The following PRKDC variants were observed in gnomAD, a reference collection of about 807,000 sequenced individuals.
PRKDC encodes protein kinase, DNA-activated, catalytic subunit.
PRKDC carries 82 observed loss-of-function variants against 486.9 expected under a neutral mutation model. The ratio of observed to expected loss-of-function variants is 0.17; its 90% confidence interval spans 0.14 to 0.20. The LOEUF is 0.20. Among genes scored for constraint, PRKDC ranks in the 10% least tolerant of loss-of-function variants. The probability of loss-of-function intolerance (pLI) is 1.00; values close to 1 mark genes in which losing one functional copy is unlikely to be tolerated. For missense variants in PRKDC, 4,504 were observed against 5,038.2 expected, an observed-to-expected ratio of 0.89 and a Z score of 3.21; for synonymous variants, 1,895 against 1,837.0, an observed-to-expected ratio of 1.03 and a Z score of -0.81.
chr8:47,927,416 A>G, intron 20 of PRKDC, 63 bp from the exon 21 acceptor site: 1 of 1,504,990 alleles, frequency 6.6e-7, no homozygotes, highest in Non-Finnish European at 9.0e-7. Context: ...GAGGAAAAAA[A>G]CACCAAGTAA....
intron 17 of PRKDC, 33 bp downstream of exon 17, chr8:47,930,639 T>G: frequency 6.6e-7 from 1 of 1,514,734 alleles, no homozygotes; most frequent in Non-Finnish European, 8.9e-7. Flanking sequence ...ACAATCATTT[T>G]CATTCTTAAA....
At chr8:47,839,107 A>G (rs1416342620) in intron 56 of PRKDC, 41 bp downstream of exon 56, 2 of 1,463,694 alleles carry the variant, frequency 1.4e-6, no homozygotes, top group African/African-American at 2.8e-5. Context: ...TGAAAGCAAT[A>G]CCCTTAACAT....
chr8:47,790,578 C>A (rs2086866355), intron 74 of PRKDC, among the ~76,000 whole-genome samples: 1 of 152,060 alleles, frequency 6.6e-6, no homozygotes, highest in Admixed American at 6.6e-5. Flanking sequence ...TGTATGGAAC[C>A]ACAAAAGACC....
In PRKDC at chr8:47,782,554, G is replaced by C. The variant is rs2086715684; in HGVS notation, c.11220C>G (p.Ile3740Met). ...GGTGTTCCCTCTCGTCATGGCCACGGATGATGATGCGCTTGGGCCTTCGCA... is the reference window on the plus strand; with the variant it reads ...GGTGTTCCCTCTCGTCATGGCCACGCATGATGATGCGCTTGGGCCTTCGCA... The part of the protein sequence containing the change: ...ASLRRPKRII[I>M]RGHDEREHPF... Residue 3740 changes from isoleucine to methionine, a missense_variant, in exon 79 of 86, where the codon ATC becomes ATG. Physicochemically the swap from Ile to Met is conservative, Grantham distance 10. This residue lies in a region of PRKDC where 706 missense variants were observed against 945.0 expected (regional missense o/e 0.75). Coordinates refer to ENST00000314191, the MANE Select transcript of PRKDC (RefSeq NM_006904.7). This position sits in a 1 kb window ranked among gnomAD's most constrained non-coding sequence, Gnocchi z 4.9. 6.4e-7 allele frequency: 1 copy of C among 1,572,216 alleles called. No individual in the cohort carries two copies. The highest frequency in any genetic ancestry group is 1.2e-5 in the South Asian group (1 of 85,470).
intron 70 of PRKDC, among the ~76,000 whole-genome samples, chr8:47,802,185 TC>T (rs1169655142): frequency 5.3e-5 from 8 of 152,058 alleles, no homozygotes; most frequent in Non-Finnish European, 8.8e-5. Context: ...CAAGCCATCC[TC>T]CCGCCTCAGA....
chr8:47,804,014 C>A (rs1229798991), intron 69 of PRKDC, among the ~76,000 whole-genome samples: 1 of 151,862 alleles, frequency 6.6e-6, no homozygotes, highest in Non-Finnish European at 1.5e-5. Flanking sequence ...AGCTGTACAA[C>A]CACCACCCCT....
At position 47,820,790 on chromosome 8, in the gene PRKDC, G is replaced by A; in HGVS notation, c.9265C>T (p.Leu3089Phe). The part of the protein sequence containing the change: ...ELHYSQELSL[L>F]YLLQDDVDRA... ...TCAACATCATCTTGCAGGAGGTAAAGCAGACTCAGCTCTTGACTGTAATGA... is the reference window on the plus strand; with the variant it reads ...TCAACATCATCTTGCAGGAGGTAAAACAGACTCAGCTCTTGACTGTAATGA... The change falls in exon 66 of 86, where the codon CTT becomes TTT. Residue 3089 changes from leucine to phenylalanine, a missense_variant. Physicochemically the swap from Leu to Phe is conservative, Grantham distance 22. This residue lies in a region of PRKDC where 1,592 missense variants were observed against 1,724.6 expected (regional missense o/e 0.92). Transcript: ENST00000314191. The A allele has an allele frequency of 1.2e-6, 2 of 1,612,036 alleles. No homozygotes were observed. The highest frequency in any genetic ancestry group is 1.7e-6 in the Non-Finnish European group (2 of 1,178,752).
intron 4 of PRKDC, 42 bp from the exon 5 acceptor site, chr8:47,954,488 C>G (rs1206106788): frequency 1.3e-6 from 1 of 768,132 alleles, no homozygotes; most frequent in Non-Finnish European, 1.9e-6. Flanking sequence ...GTGCGGGAAT[C>G]AAGAAAAAAA....
intron 35 of PRKDC, among the ~76,000 whole-genome samples, chr8:47,887,102 T>A (rs769131332): frequency 1.3e-5 from 2 of 152,182 alleles, no homozygotes; most frequent in African/African-American, 2.4e-5. Flanking sequence ...GCTGCAGATT[T>A]CAGCTACAGC....
chr8:47,823,063 A>G (rs1486315362), intron 64 of PRKDC, among the ~76,000 whole-genome samples: 1 of 151,758 alleles, frequency 6.6e-6, no homozygotes, highest in Non-Finnish European at 1.5e-5. Flanking sequence ...GAAGTGGGCC[A>G]TTCCCTTGGT....
Position 47,955,957 on chromosome 8 carries a change from T to A in PRKDC, c.325-9A>T, listed in dbSNP as rs376140051. 7.1e-5 allele frequency: 102 copies of A among 1,441,852 alleles called. No homozygotes were observed. Among genetic ancestry groups the A allele is most frequent in the African/African-American group, 2.4e-4 (17 of 69,566 alleles). 89.3% of individuals were successfully genotyped at this position (1,441,852 alleles called of 1,614,324 possible). A position where few individuals can be genotyped will look rare whatever the true frequency, so the allele number is the denominator to read the frequency against. ...ACACTGGTACAAGTGTTCTAGGTTT[T>A]AAAAAAAAAATAACCAAAATCATCA... On this transcript the variant is annotated splice_polypyrimidine_tract_variant and intron_variant, in intron 3 of 85. Coordinates refer to ENST00000314191, the MANE Select transcript of PRKDC (RefSeq NM_006904.7).
At chr8:47,889,981 T>A (rs1486755346) in intron 32 of PRKDC, among the ~76,000 whole-genome samples, 3 of 152,154 alleles carry the variant, frequency 2.0e-5, no homozygotes, top group African/African-American at 7.2e-5. Context: ...CTGTATACCA[T>A]AAATACAGTT....
In PRKDC at chr8:47,934,007, G is replaced by A. The variant is rs551598588; in HGVS notation, c.1581C>T (p.Tyr527=). Residue 527 remains tyrosine (Y), a synonymous_variant, in exon 15 of 86, where the codon TAC becomes TAT. Coordinates refer to ENST00000314191, the MANE Select transcript of PRKDC (RefSeq NM_006904.7). ...GKWKVPTYKD[Y]VDLFRHLLSS... ...TCAGGAGATGTCTGAAGAGATCCAC[G>A]TAGTCTTTGTATGTGGGCACCTTCC... 2.7e-5 allele frequency: 44 copies of A among 1,613,400 alleles called. No individual in the cohort carries two copies. In the East Asian group the frequency reaches 4.7e-4, roughly 17 times the overall value.
In PRKDC at chr8:47,839,235, C is replaced by A; in HGVS notation, c.7466G>T (p.Ser2489Ile). Residue 2489 changes from serine to isoleucine, a missense_variant, in exon 56 of 86, where the codon AGT becomes ATT. Coordinates refer to ENST00000314191, the MANE Select transcript of PRKDC (RefSeq NM_006904.7). ...TTCCTGGGAGTCATTATCTGTCTCA[C>A]TTTCTGGATCTCTGCTTGAGAAAAC... ...WIHDNYRDPE[S>I]ETDNDSQEIF... 1 of 1,612,586 alleles carries A rather than the reference C, an allele frequency of 6.2e-7. No individual in the cohort carries two copies. The highest frequency in any genetic ancestry group is 8.5e-7 in the Non-Finnish European group (1 of 1,178,848).
At chr8:47,877,990 C>T in intron 39 of PRKDC, 139 bp from the exon 40 acceptor site, 1 of 601,206 alleles carries the variant, frequency 1.7e-6, no homozygotes. Context: ...CAGAATTTCA[C>T]AGACTTAACA....
intron 49 of PRKDC, 71 bp from the exon 50 acceptor site, chr8:47,855,444 C>G: frequency 7.0e-7 from 1 of 1,421,400 alleles, no homozygotes; most frequent in Non-Finnish European, 9.4e-7. Flanking sequence ...AACTCAAGTT[C>G]ATTTATAAAA....
intron 18 of PRKDC, 127 bp downstream of exon 18, chr8:47,929,726 A>T (rs2090218664): frequency 1.8e-6 from 2 of 1,104,054 alleles, no homozygotes; most frequent in Non-Finnish European, 2.5e-6. Context: ...CAATTTTTTT[A>T]AACACATAGA....
Position 47,785,095 on chromosome 8 carries a change from C to T in PRKDC, c.11107+18G>A. ...GCTCCTGACAGTACAGTTTTGTCAC[C>T]CCTGGAGGTTAACTCACCGGGAATC... On this transcript the variant is annotated intron_variant, in intron 77 of 85. Coordinates refer to ENST00000314191, the MANE Select transcript of PRKDC (RefSeq NM_006904.7). The T allele has an allele frequency of 1.9e-6, 3 of 1,612,764 alleles. No individual in the cohort carries two copies. Among genetic ancestry groups the T allele is most frequent in the Non-Finnish European group, 2.5e-6 (3 of 1,178,860 alleles).
chr8:47,806,182 C>A (rs1752447752), intron 69 of PRKDC, among the ~76,000 whole-genome samples: 1 of 152,326 alleles, frequency 6.6e-6, no homozygotes, highest in South Asian at 2.1e-4. Flanking sequence ...TCTTCTTTGC[C>A]CACCAGTGCT....
Sources: gnomAD v4.1 joint callset for allele counts (sites outside exome capture counted in the v4.1 genomes callset) on GRCh38, gnomAD v4.1.1 for gene constraint, gnomAD v4.1.1 regional missense constraint, Gnocchi (gnomAD v3.1) non-coding constraint, MANE v1.5 for transcripts, NCBI Gene and HGNC (gene_info 2026-07-23, HGNC 2026-07-21) for gene names.